The following SLIT3 variants were observed in gnomAD, a reference collection of about 807,000 sequenced individuals.
SLIT3 encodes the protein slit guidance ligand 3.
In SLIT3, 68 loss-of-function variants were observed where a neutral mutation model predicts 184.0. That is an observed-to-expected ratio of 0.37 (90% CI 0.30 to 0.45). The LOEUF (loss-of-function observed/expected upper bound fraction) is 0.45. Among genes scored for constraint, SLIT3 ranks in the 20% least tolerant of loss-of-function variants. SLIT3 has a pLI of 1.00. For synonymous variants in SLIT3, 831 were observed against 828.6 expected (o/e 1.00, Z -0.05); for missense variants, 1,707 against 2,026.0 (o/e 0.84, Z 3.02).
At chr5:168,751,521 G>C (rs78544154) in intron 18 of SLIT3, among the ~76,000 whole-genome samples, 4,602 of 152,226 alleles carry the variant, frequency 0.03, 253 homozygotes, top group African/African-American at 0.11. Flanking sequence ...ACACAGAGAT[G>C]AAGTCACTTT....
At chr5:169,102,747 C>T (rs1760065610) in intron 4 of SLIT3, among the ~76,000 whole-genome samples, 1 of 152,062 alleles carries the variant, frequency 6.6e-6, no homozygotes, top group Admixed American at 6.6e-5. Flanking sequence ...GCTGGAATAT[C>T]CAAATCTCCT....
rs529570185 is a variant in SLIT3 at position 168,923,635 on chromosome 5, G to A, written c.414-40299C>T. Among the ~76,000 whole-genome samples, 3 of 151,982 alleles carry A rather than the reference G, an allele frequency of 2.0e-5. No individual in the cohort carries two copies. In the South Asian group the frequency reaches 6.2e-4, roughly 32 times the overall value. On this transcript the variant is annotated intron_variant, in intron 4 of 35. Coordinates refer to ENST00000519560, the MANE Select transcript of SLIT3 (RefSeq NM_003062.4). Reference sequence around the variant, plus strand: ...GGGTTCAAGCAATTCTCCTGCCTCGGCCTCTCAGTTAGCTGGGATTACAGG... The same window carrying A: ...GGGTTCAAGCAATTCTCCTGCCTCGACCTCTCAGTTAGCTGGGATTACAGG...
chr5:169,055,734 A>T (rs2113076666), intron 4 of SLIT3, among the ~76,000 whole-genome samples: 1 of 152,092 alleles, frequency 6.6e-6, no homozygotes. Context: ...CGGGAGGCTG[A>T]GGCAGAGAAT....
intron 5 of SLIT3, among the ~76,000 whole-genome samples, chr5:168,877,404 T>C (rs1256728553): frequency 6.6e-6 from 1 of 152,040 alleles, no homozygotes; most frequent in Non-Finnish European, 1.5e-5. Context: ...TAAAGGAGCA[T>C]GGGAAGCATG....
intron 4 of SLIT3, among the ~76,000 whole-genome samples, chr5:168,899,164 T>G (rs148075864): frequency 6.6e-5 from 10 of 152,244 alleles, no homozygotes; most frequent in Non-Finnish European, 1.5e-4. Context: ...ATAACCACAA[T>G]TGTATTCCCT....
chr5:168,811,033 T>C (rs906521531), intron 8 of SLIT3, among the ~76,000 whole-genome samples: 2 of 152,032 alleles, frequency 1.3e-5, no homozygotes, highest in Non-Finnish European at 2.9e-5. Flanking sequence ...TTCTCCTAAA[T>C]GGTAAAATGG....
intron 7 of SLIT3, among the ~76,000 whole-genome samples, chr5:168,818,131 A>G (rs1757399969): frequency 6.6e-6 from 1 of 152,254 alleles, no homozygotes; most frequent in East Asian, 1.9e-4. Context: ...CTTGCAATCC[A>G]TAGCCATCTC....
At chr5:169,016,735 T>G (rs1756395002) in intron 4 of SLIT3, among the ~76,000 whole-genome samples, 1 of 152,250 alleles carries the variant, frequency 6.6e-6, no homozygotes, top group Admixed American at 6.5e-5. Context: ...CCTCAGCTTT[T>G]TCATCTATGA....
chr5:169,208,197 G>T (rs1458298165), intron 3 of SLIT3, among the ~76,000 whole-genome samples: 1 of 152,140 alleles, frequency 6.6e-6, no homozygotes, highest in African/African-American at 2.4e-5. Context: ...GAAAGTCATT[G>T]GGTAGCTTGA....
intron 20 of SLIT3, among the ~76,000 whole-genome samples, chr5:168,729,460 C>G (rs375515645): frequency 6.6e-6 from 1 of 151,504 alleles, no homozygotes; most frequent in East Asian, 1.9e-4. Context: ...AGAAACCTTA[C>G]AGGTTAGAAG....
chr5:169,093,513 G>T (rs1315659218), intron 4 of SLIT3, among the ~76,000 whole-genome samples: 1 of 152,108 alleles, frequency 6.6e-6, no homozygotes, highest in Non-Finnish European at 1.5e-5. Flanking sequence ...CCCAGGTCTG[G>T]CTTGTGCTGA....
intron 4 of SLIT3, among the ~76,000 whole-genome samples, chr5:169,000,381 A>G (rs2113417440): frequency 6.9e-6 from 1 of 144,492 alleles, no homozygotes; most frequent in East Asian, 2.0e-4. Context: ...GACAAAAGCA[A>G]AACTCCATCT....
At chr5:169,269,612 T>C (rs897268146) in intron 1 of SLIT3, among the ~76,000 whole-genome samples, 15 of 152,182 alleles carry the variant, frequency 9.9e-5, no homozygotes, top group Admixed American at 4.6e-4. Context: ...GTGATGAAGA[T>C]TTGGAAAGGA....
At chr5:168,889,124 T>C (rs1276931378) in intron 4 of SLIT3, among the ~76,000 whole-genome samples, 3 of 152,226 alleles carry the variant, frequency 2.0e-5, no homozygotes, top group African/African-American at 7.2e-5. Context: ...CTTTATTTTA[T>C]ACAGCAGGAG....
intron 4 of SLIT3, among the ~76,000 whole-genome samples, chr5:169,066,268 T>C (rs1264350107): frequency 6.6e-6 from 1 of 152,202 alleles, no homozygotes; most frequent in Admixed American, 6.5e-5. Context: ...CCCTTTAGTA[T>C]GAGGTAATAC....
chr5:169,025,890 C>T (rs570624575), intron 4 of SLIT3, among the ~76,000 whole-genome samples: 1 of 152,282 alleles, frequency 6.6e-6, no homozygotes, highest in African/African-American at 2.4e-5. Context: ...TGAACTCTCC[C>T]CTAGTTCCGC....
chr5:168,913,742 A>G (rs1424768902), intron 4 of SLIT3, among the ~76,000 whole-genome samples: 1 of 42,772 alleles, frequency 2.3e-5, no homozygotes, highest in Non-Finnish European at 5.4e-5. Context: ...ACTCCGTCTC[A>G]AAAAAAAAAA....
chr5:169,090,739 C>T (rs373130723), intron 4 of SLIT3, among the ~76,000 whole-genome samples: 14 of 152,290 alleles, frequency 9.2e-5, no homozygotes, highest in African/African-American at 3.4e-4. Context: ...AAGACAGAGG[C>T]CGGATGGAGG....
At chr5:168,884,166 T>G (rs1760075086) in intron 4 of SLIT3, among the ~76,000 whole-genome samples, 1 of 151,950 alleles carries the variant, frequency 6.6e-6, no homozygotes, top group African/African-American at 2.4e-5. Context: ...TGCACTTGTT[T>G]TCACTAAGAA....
Sources: gnomAD v4.1 joint callset for allele counts (sites outside exome capture counted in the v4.1 genomes callset) on GRCh38, gnomAD v4.1.1 for gene constraint, MANE v1.5 for transcripts, NCBI Gene and HGNC (gene_info 2026-07-23, HGNC 2026-07-21) for gene names.